CARD8: variants seen among roughly 807,000 people sequenced by gnomAD.
The protein encoded by CARD8 is caspase recruitment domain-containing protein 8.
Under a neutral mutation model 53.2 loss-of-function variants are expected in CARD8, and 38 were observed. The ratio of observed to expected loss-of-function variants is 0.71; its 90% CI spans 0.55 to 0.94. CARD8 has a LOEUF of 0.94. CARD8 is among the 40% of genes least tolerant of loss of function. The pLI, the probability that CARD8 is intolerant of heterozygous loss-of-function variation, is 0.00. For synonymous variants in CARD8, 245 were observed against 244.9 expected (o/e 1.00, Z 0.00); for missense variants, 561 against 655.5 (o/e 0.86, Z 1.57).
rs1600432001 is a variant in CARD8, at chr19:48,232,369, T to C, written c.391+84A>G. On this transcript the variant is annotated intron_variant, in intron 7 of 13. Coordinates refer to ENST00000651546, the MANE Select transcript of CARD8 (RefSeq NM_001184900.3). ...AGCACTCCTGATCTGCACAAAAGACTCTAAATTGTCTTCTTCACATAAAAT... is the reference window on the plus strand; with the variant it reads ...AGCACTCCTGATCTGCACAAAAGACCCTAAATTGTCTTCTTCACATAAAAT... 28 of 1,290,280 alleles carry C rather than the reference T, an allele frequency of 2.2e-5. No individual in the cohort carries two copies. The South Asian group carries it at 3.4e-4, about 16-fold the overall frequency. The allele number at this position is 1,290,280 out of a possible 1,614,324, so 79.9% of individuals were successfully genotyped here.
intron 11 of CARD8, among the ~76,000 whole-genome samples, chr19:48,221,002 G>GAGAGAA: frequency 9.4e-6 from 1 of 106,278 alleles, no homozygotes; most frequent in South Asian, 3.5e-4. Context: ...AGGAAAGAAA[G>GAGAGAA]AAAGAAAAAG....
Position 48,211,797 on chromosome 19 carries a change from T to C in CARD8, c.1527A>G (p.Lys509=). 6.2e-7 allele frequency: 1 copy of C among 1,614,192 alleles called. No homozygotes were observed. Among genetic ancestry groups the C allele is most frequent in the Non-Finnish European group, 8.5e-7 (1 of 1,180,032 alleles). The change falls in exon 14 of 14, where the codon AAA becomes AAG. Residue 509 remains lysine (K), a synonymous_variant. Coordinates refer to ENST00000651546, the MANE Select transcript of CARD8 (RefSeq NM_001184900.3). The part of the protein sequence containing the change: ...NEALLSMVEK[K]GDLALDVLFR... ...AGAGCACGTCCAGGGCCAGGTCCCC[T>C]TTCTTCTCCACCATGCTCAGCAAGG... is the stretch of plus-strand genomic sequence containing the variant.
chr19:48,226,176 T>C (rs942030621), intron 10 of CARD8, among the ~76,000 whole-genome samples: 2 of 152,206 alleles, frequency 1.3e-5, no homozygotes, highest in African/African-American at 4.8e-5. Context: ...AATGTATTTT[T>C]TAAGTGTATT....
At chr19:48,247,106 T>C (rs1427434113) in intron 3 of CARD8, among the ~76,000 whole-genome samples, 1 of 152,184 alleles carries the variant, frequency 6.6e-6, no homozygotes, top group Non-Finnish European at 1.5e-5. Context: ...GGTAGATCAC[T>C]TGAGGTCAGG....
At chr19:48,226,983 G>A (rs1325588927) in intron 10 of CARD8, among the ~76,000 whole-genome samples, 4 of 151,624 alleles carry the variant, frequency 2.6e-5, no homozygotes, top group Admixed American at 1.3e-4. Context: ...CATAATCCCG[G>A]TGAGGCATGA....
Position 48,210,467 on chromosome 19 carries a change from ATCT to A in CARD8, c.*1240_*1242del. The A allele has an allele frequency of 6.6e-6, 1 of 152,288 alleles. No individual in the cohort carries two copies. The highest frequency in any genetic ancestry group is 6.5e-5 in the Admixed American group (1 of 15,298). 9.4% of individuals were successfully genotyped at this position (152,288 alleles called of 1,614,324 possible). Reference sequence around the variant, plus strand: ...ATTACTCTTCTCATGAGTTTTTTAAATCTTCTGAGTGATTAAAAGTAGAAAATA... The same window carrying A: ...ATTACTCTTCTCATGAGTTTTTTAAATCTGAGTGATTAAAAGTAGAAAATA... On this transcript the variant is annotated 3_prime_UTR_variant, in exon 14 of 14. Transcript: ENST00000651546.
rs190509086 is a variant in CARD8 at position 48,220,845 on chromosome 19, C to T, written c.1161+885G>A. On this transcript the variant is annotated intron_variant, in intron 11 of 13. Coordinates refer to ENST00000651546, the MANE Select transcript of CARD8 (RefSeq NM_001184900.3). ...AGAATCACTTGAACCTGGGAGGCGG[C>T]GGTTGTAGTGGGCCAAGACCACACC... 1.1e-3 allele frequency among the ~76,000 whole-genome samples: 172 copies of T among 151,264 alleles called. 2 individuals are homozygous for T. The highest frequency in any genetic ancestry group is 4.0e-3 in the African/African-American group (163 of 41,202).
At chr19:48,238,194 T>G in intron 5 of CARD8, 189 bp downstream of exon 5, 1 of 1,113,958 alleles carries the variant, frequency 9.0e-7, no homozygotes, top group Non-Finnish European at 1.2e-6. Context: ...CTCAGACCTT[T>G]TTTCCCTACT....
chr19:48,219,719 C>A (rs1213978069), intron 11 of CARD8, among the ~76,000 whole-genome samples: 1 of 152,068 alleles, frequency 6.6e-6, no homozygotes, highest in Non-Finnish European at 1.5e-5. Flanking sequence ...ACCTGTAGTC[C>A]CAGCACTTTG....
chr19:48,227,108 A>G (rs2041940575), intron 10 of CARD8, among the ~76,000 whole-genome samples: 1 of 151,476 alleles, frequency 6.6e-6, no homozygotes. Flanking sequence ...AAAAAGAAAG[A>G]AAAGAAAATA....
chr19:48,225,720 A>G (rs2041633170), intron 10 of CARD8, among the ~76,000 whole-genome samples: 1 of 151,942 alleles, frequency 6.6e-6, no homozygotes, highest in Non-Finnish European at 1.5e-5. Context: ...GAAGAGAGTG[A>G]TAGGAGATGG....
intron 11 of CARD8, among the ~76,000 whole-genome samples, chr19:48,220,263 A>G (rs1483218553): frequency 6.6e-6 from 1 of 152,204 alleles, no homozygotes; most frequent in Non-Finnish European, 1.5e-5. Flanking sequence ...GTATACTTAG[A>G]AAAAGATCAC....
intron 10 of CARD8, among the ~76,000 whole-genome samples, chr19:48,222,457 G>T (rs895439931): frequency 1.1e-4 from 17 of 152,210 alleles, no homozygotes; most frequent in African/African-American, 3.9e-4. Flanking sequence ...TTGGGAGGCC[G>T]AGGTGGGCAG....
chr19:48,236,885 C>T (rs1171438619), intron 5 of CARD8, among the ~76,000 whole-genome samples: 1 of 152,088 alleles, frequency 6.6e-6, no homozygotes, highest in African/African-American at 2.4e-5. Context: ...AGCAATTATC[C>T]TGCCTCAAGC....
downstream of CARD8, among the ~76,000 whole-genome samples, chr19:48,207,585 A>G (rs182872577): frequency 8.5e-4 from 129 of 152,248 alleles, no homozygotes; most frequent in African/African-American, 3.0e-3. Flanking sequence ...CATTTTACTC[A>G]TAACGTTTGC....
intron 10 of CARD8, among the ~76,000 whole-genome samples, chr19:48,229,469 T>C (rs910274596): frequency 3.3e-5 from 5 of 152,218 alleles, no homozygotes; most frequent in African/African-American, 1.2e-4. Flanking sequence ...ATTAAAATGT[T>C]TTCTCCTGTA....
downstream of CARD8, chr19:48,204,155 G>A (rs371051633): frequency 2.9e-5 from 13 of 455,406 alleles, no homozygotes; most frequent in East Asian, 7.7e-4. Context: ...GTGAGGAGGC[G>A]GACGCGGGAA....
At chr19:48,249,479 T>C (rs1225817194) in intron 3 of CARD8, 44 bp downstream of exon 3, 3 of 152,424 alleles carry the variant, frequency 2.0e-5, no homozygotes, top group African/African-American at 4.8e-5. Flanking sequence ...AAGGATATTA[T>C]AAACTCTGCA....
chr19:48,212,856 T>C (rs1370655778), intron 13 of CARD8: 1 of 152,274 alleles, frequency 6.6e-6, no homozygotes, highest in African/African-American at 2.4e-5. Flanking sequence ...CACCTCCAGA[T>C]GTGAGGCATG....
Sources: gnomAD v4.1 joint callset for allele counts (sites outside exome capture counted in the v4.1 genomes callset) on GRCh38, gnomAD v4.1.1 for gene constraint, MANE v1.5 for transcripts, NCBI Gene and HGNC (gene_info 2026-07-23, HGNC 2026-07-21) for gene names.